RECQL: variants seen among roughly 807,000 people sequenced by gnomAD.
The protein encoded by RECQL is ATP-dependent DNA helicase Q1.
RECQL carries 73 observed loss-of-function variants against 75.8 expected under a neutral mutation model. That is an observed-to-expected ratio of 0.96 (90% confidence interval 0.80 to 1.17). RECQL has a LOEUF of 1.17. Ranked by LOEUF, RECQL falls within the 50% of genes most tolerant of loss-of-function variation. The pLI is 0.00. For synonymous variants in RECQL, 248 were observed against 254.4 expected, an observed-to-expected ratio of 0.97 and a Z score of 0.24; for missense variants, 699 against 772.1, an observed-to-expected ratio of 0.91 and a Z score of 1.12.
Position 21,483,366 on chromosome 12 carries a change from A to G in RECQL, c.700+10T>C, listed in dbSNP as rs752091888. The G allele has an allele frequency of 6.3e-7, 1 of 1,589,980 alleles. No homozygotes were observed. The highest frequency in any genetic ancestry group is 8.6e-7 in the Non-Finnish European group (1 of 1,168,886). The stretch of plus-strand genomic sequence containing the variant: ...GACATCAAAAAGTTTTCTAGATAAA[A>G]CATACATACCAGGTCTGAAATCATG... On this transcript the variant is annotated intron_variant, in intron 6 of 14. Transcript: ENST00000444129.
At chr12:21,488,708 G>A (rs908270037) in intron 4 of RECQL, among the ~76,000 whole-genome samples, 4 of 151,972 alleles carry the variant, frequency 2.6e-5, no homozygotes, top group African/African-American at 4.8e-5. Flanking sequence ...TTCCCCCCAA[G>A]CAATAAATAC....
rs1942890812 is a variant in RECQL, at chr12:21,469,892, T to TAA, written c.*300_*301dup. 1 of 216,718 alleles carries TAA rather than the reference T, an allele frequency of 4.6e-6. No homozygotes were observed. Among genetic ancestry groups the TAA allele is most frequent in the Non-Finnish European group, 9.1e-6 (1 of 109,966 alleles). 13.4% of individuals were successfully genotyped at this position (216,718 alleles called of 1,614,324 possible). A position where few individuals can be genotyped will look rare whatever the true frequency, so the allele number is the denominator to read the frequency against. On this transcript the variant is annotated 3_prime_UTR_variant, in exon 15 of 15. Transcript: ENST00000444129. ...GTTATGTCAAAAGAAAAAATATAGC[T>TAA]AAGTATATAAAGGCATAAAAAACTT...
chr12:21,475,873 A>G, intron 8 of RECQL, 49 bp from the exon 9 acceptor site: 1 of 1,487,740 alleles, frequency 6.7e-7, no homozygotes, highest in Non-Finnish European at 9.3e-7. Context: ...ATATTCCTGG[A>G]AGATGGTTTT....
chr12:21,480,102 C>T (rs2192170), intron 6 of RECQL, among the ~76,000 whole-genome samples: 16,533 of 152,056 alleles, frequency 0.11, 988 homozygotes, highest in East Asian at 0.21. Context: ...GGTAAGTGCT[C>T]ATAATGATAA....
chr12:21,474,829 T>C lies in RECQL; in HGVS notation c.1355+12A>G. On this transcript the variant is annotated intron_variant, in intron 11 of 14. Coordinates refer to ENST00000444129, the MANE Select transcript of RECQL (RefSeq NM_002907.4). Reference sequence around the variant, plus strand: ...TTAATTGATAAAAGTTATAAAAAGGTATGTGGCTTACTTGCTTATGTTTTG... The same window carrying C: ...TTAATTGATAAAAGTTATAAAAAGGCATGTGGCTTACTTGCTTATGTTTTG... The C allele has an allele frequency of 6.2e-7, 1 of 1,610,606 alleles. No homozygotes were observed. The highest frequency in any genetic ancestry group is 8.5e-7 in the Non-Finnish European group (1 of 1,177,448).
chr12:21,471,427 C>T lies in RECQL; in HGVS notation c.1667+1G>A. The T allele has an allele frequency of 1.2e-6, 2 of 1,608,902 alleles. No homozygotes were observed. Among genetic ancestry groups the T allele is most frequent in the Non-Finnish European group, 1.7e-6 (2 of 1,176,300 alleles). Reference sequence around the variant, plus strand: ...AGAATAATGAATGAGTTTGTACATACTTAAGATACTGCTGTATTAGAAAGT... The same window carrying T: ...AGAATAATGAATGAGTTTGTACATATTTAAGATACTGCTGTATTAGAAAGT... On this transcript the variant is annotated splice_donor_variant, in intron 13 of 14. Coordinates refer to ENST00000444129, the MANE Select transcript of RECQL (RefSeq NM_002907.4). LOFTEE classifies it high-confidence loss of function.
intron 6 of RECQL, among the ~76,000 whole-genome samples, chr12:21,480,361 G>T (rs1943169614): frequency 6.6e-6 from 1 of 152,194 alleles, no homozygotes. Flanking sequence ...TTAGGAAGCT[G>T]CTGCAGTAGA....
chr12:21,475,479 C>T lies in RECQL; in HGVS notation c.1205G>A (p.Ser402Asn), dbSNP rs1308305729. The change falls in exon 10 of 15, where the codon AGT becomes AAT. Residue 402 changes from serine (S) to asparagine (N), a missense_variant. Physicochemically the swap from Ser to Asn is conservative, Grantham distance 46. Around this residue, in one of 2 missense-constraint regions of RECQL, gnomAD observed 669 missense variants for 713.5 expected, o/e 0.94. Coordinates refer to ENST00000444129, the MANE Select transcript of RECQL (RefSeq NM_002907.4). ...SKSMENYYQESGRAGRDDMKA... is the reference protein window; with the variant it reads ...SKSMENYYQENGRAGRDDMKA... ...TGAGTCCTACATACCTGCACGTCCA[C>T]TCTCTTGGTAATAATTTTCCATGGA... 1 of 1,608,030 alleles carries T rather than the reference C, an allele frequency of 6.2e-7. No homozygotes were observed. The highest frequency in any genetic ancestry group is 1.1e-5 in the South Asian group (1 of 90,312).
intron 4 of RECQL, among the ~76,000 whole-genome samples, chr12:21,487,545 A>G (rs576841829): frequency 5.9e-5 from 9 of 152,228 alleles, no homozygotes; most frequent in Non-Finnish European, 1.2e-4. Context: ...GGCAAAGAGC[A>G]GACATGTTTA....
intron 6 of RECQL, 33 bp from the exon 7 acceptor site, chr12:21,478,002 T>C: frequency 6.3e-7 from 1 of 1,579,220 alleles, no homozygotes; most frequent in Non-Finnish European, 8.6e-7. Context: ...CCTTTTTCTA[T>C]CCTTTAAGAG....
intron 12 of RECQL, among the ~76,000 whole-genome samples, chr12:21,473,050 A>G (rs1296796872): frequency 6.6e-6 from 1 of 152,122 alleles, no homozygotes; most frequent in Non-Finnish European, 1.5e-5. Context: ...TCATGTTGAT[A>G]GTTTTAATTC....
At chr12:21,499,240 C>T (rs950926954) in intron 2 of RECQL, among the ~76,000 whole-genome samples, 1 of 152,090 alleles carries the variant, frequency 6.6e-6, no homozygotes, top group Non-Finnish European at 1.5e-5. Context: ...AGAATAGTGG[C>T]TATCAGGGAT....
intron 4 of RECQL, among the ~76,000 whole-genome samples, chr12:21,489,182 C>A (rs1259986372): frequency 2.0e-5 from 3 of 152,204 alleles, no homozygotes; most frequent in African/African-American, 7.2e-5. Flanking sequence ...CAGGGATCAA[C>A]AAAGTAAGGG....
At chr12:21,478,324 T>C (rs1445312203) in intron 6 of RECQL, among the ~76,000 whole-genome samples, 3 of 152,196 alleles carry the variant, frequency 2.0e-5, no homozygotes, top group African/African-American at 7.2e-5. Flanking sequence ...ATATAACCTA[T>C]TTCTCGGAAA....
Position 21,476,994 on chromosome 12 carries a change from T to C in RECQL, c.868-2A>G, listed in dbSNP as rs571176607. The C allele has an allele frequency of 3.0e-4, 477 of 1,599,478 alleles. 5 individuals carry two copies. The South Asian group carries it at 4.8e-3, about 16-fold the overall frequency. ...AGTGTTTGAGGGCTTCTGCCGAACC[T>C]AAAAAAAACTTAACTTATTAAAAAG... On this transcript the variant is annotated splice_acceptor_variant, in intron 7 of 14. Transcript: ENST00000444129. LOFTEE classifies it high-confidence loss of function.
chr12:21,484,438 T>A (rs976221764), intron 5 of RECQL, among the ~76,000 whole-genome samples: 3 of 152,206 alleles, frequency 2.0e-5, no homozygotes, highest in African/African-American at 7.2e-5. Context: ...TTTTTCAATT[T>A]TAAGAAAGTA....
rs147829476 is a variant in RECQL at position 21,484,702 on chromosome 12, G to A, written c.502-1128C>T. Among the ~76,000 whole-genome samples, 928 of 151,990 alleles carry A rather than the reference G, an allele frequency of 6.1e-3. 7 individuals carry two copies. The highest frequency in any genetic ancestry group is 0.021 in the African/African-American group (891 of 41,472). On this transcript the variant is annotated intron_variant, in intron 5 of 14. Coordinates refer to ENST00000444129, the MANE Select transcript of RECQL (RefSeq NM_002907.4). ...AAGGATTCAGGAACCAACTTAAAGA[G>A]GCTCTCACTGCCCAAGGACAGGACT...
In RECQL at chr12:21,490,344, C is replaced by G. The variant is rs770637741; in HGVS notation, c.249G>C (p.Leu83=). Residue 83 remains leucine, a synonymous_variant, in exon 4 of 15, where the codon CTG becomes CTC. Transcript: ENST00000444129. ...ACTTTTCCAGTTTAAAGACATTTTGCAGAATATCTTTAACTTTACCAGACC... is the reference window on the plus strand; with the variant it reads ...ACTTTTCCAGTTTAAAGACATTTTGGAGAATATCTTTAACTTTACCAGACC... ...FPWSGKVKDI[L]QNVFKLEKFR... The G allele has an allele frequency of 1.7e-5, 27 of 1,612,100 alleles. No homozygotes were observed. Among genetic ancestry groups the G allele is most frequent in the Non-Finnish European group, 2.2e-5 (26 of 1,178,774 alleles).
At position 21,470,196 on chromosome 12, in the gene RECQL, A is replaced by C; in HGVS notation, c.1948T>G (p.Ter650GlyextTer5). Residue 650 changes from the stop codon to glycine (G), a stop_lost, in exon 15 of 15, where the codon TGA (stop) becomes GGA (glycine). Coordinates refer to ENST00000444129, the MANE Select transcript of RECQL (RefSeq NM_002907.4). ...TAGAAAATTTAGTAACATTCATATC[A>C]GGCATCATCGATTTTTCTTTTCTTA... Reference protein sequence around the residue: ...GAKKRKIDDA* With the variant: ...GAKKRKIDDAG 6.2e-7 allele frequency: 1 copy of C among 1,611,660 alleles called. No homozygotes were observed. Among genetic ancestry groups the C allele is most frequent in the Non-Finnish European group, 8.5e-7 (1 of 1,178,518 alleles).
Sources: gnomAD v4.1 joint callset for allele counts (sites outside exome capture counted in the v4.1 genomes callset) on GRCh38, gnomAD v4.1.1 for gene constraint, gnomAD v4.1.1 regional missense constraint, MANE v1.5 for transcripts, NCBI Gene and HGNC (gene_info 2026-07-23, HGNC 2026-07-21) for gene names.